Variants in EPHA6 observed in about 807,000 individuals in gnomAD.
EPHA6 encodes ephrin type-A receptor 6.
In EPHA6, 50 loss-of-function variants were observed where a neutral mutation model predicts 112.0. That is an observed-to-expected ratio of 0.45 (90% CI 0.36 to 0.56). The LOEUF (loss-of-function observed/expected upper bound fraction) is 0.56. Among genes scored for constraint, EPHA6 ranks in the 20% least tolerant of loss-of-function variants. EPHA6 has a pLI of 0.00. For synonymous variants in EPHA6, 529 were observed against 490.7 expected, an observed-to-expected ratio of 1.08 and a Z score of -1.03; for missense variants, 1,280 against 1,417.4, an observed-to-expected ratio of 0.90 and a Z score of 1.56.
intron 3 of EPHA6, among the ~76,000 whole-genome samples, chr3:96,993,702 A>G (rs1382632411): frequency 6.6e-6 from 1 of 152,168 alleles, no homozygotes; most frequent in African/African-American, 2.4e-5. Flanking sequence ...TCTAATGTGG[A>G]CACTGCTGGA....
At chr3:97,013,416 A>G (rs1190201592) in intron 3 of EPHA6, among the ~76,000 whole-genome samples, 4 of 152,112 alleles carry the variant, frequency 2.6e-5, no homozygotes, top group Non-Finnish European at 5.9e-5. Context: ...TTCTCCCTAC[A>G]TCTATATTAT....
intron 10 of EPHA6, among the ~76,000 whole-genome samples, chr3:97,510,689 C>A (rs1577622154): frequency 6.6e-6 from 1 of 152,200 alleles, no homozygotes; most frequent in Admixed American, 6.5e-5. Flanking sequence ...AGGAGGCAGT[C>A]TGTCCCTTAG....
At chr3:97,335,187 G>A (rs1159525043) in intron 5 of EPHA6, among the ~76,000 whole-genome samples, 4 of 152,148 alleles carry the variant, frequency 2.6e-5, no homozygotes, top group African/African-American at 9.7e-5. Flanking sequence ...TACTCATCAT[G>A]TAATTAGTGC....
intron 2 of EPHA6, among the ~76,000 whole-genome samples, chr3:96,940,225 T>C (rs2040856753): frequency 6.6e-6 from 1 of 152,214 alleles, no homozygotes; most frequent in Non-Finnish European, 1.5e-5. Flanking sequence ...ATTATTATTG[T>C]GTGGGAGTCT....
At chr3:96,934,324 A>T (rs1274799968) in intron 2 of EPHA6, among the ~76,000 whole-genome samples, 1 of 151,578 alleles carries the variant, frequency 6.6e-6, no homozygotes, top group East Asian at 1.9e-4. Flanking sequence ...TTTATTCTTT[A>T]TGATCCATTT....
intron 2 of EPHA6, among the ~76,000 whole-genome samples, chr3:96,935,654 A>G (rs1185209924): frequency 6.7e-6 from 1 of 148,488 alleles, no homozygotes; most frequent in African/African-American, 2.4e-5. Flanking sequence ...ATATATATTT[A>G]TAACAGTTCA....
chr3:97,361,817 G>C (rs771229955), intron 5 of EPHA6, among the ~76,000 whole-genome samples: 6 of 152,028 alleles, frequency 3.9e-5, no homozygotes, highest in Non-Finnish European at 5.9e-5. Context: ...TGCCACTTTG[G>C]GGATTAAATT....
chr3:97,110,773 C>A (rs902104089), intron 3 of EPHA6, among the ~76,000 whole-genome samples: 2 of 152,080 alleles, frequency 1.3e-5, no homozygotes, highest in Non-Finnish European at 2.9e-5. Flanking sequence ...AAGTGATCCA[C>A]CTGCCTTGGT....
Position 97,592,726 on chromosome 3 carries a change from G to C in EPHA6, c.2501G>C (p.Arg834Thr). The C allele has an allele frequency of 6.3e-7, 1 of 1,593,754 alleles. No individual in the cohort carries two copies. The highest frequency in any genetic ancestry group is 1.1e-5 in the South Asian group (1 of 87,786). The change falls in exon 12 of 18, where the codon AGG (arginine) becomes ACG (threonine). Residue 834 changes from arginine (R) to threonine (T), a missense_variant. Arg to Thr is a moderately conservative substitution (Grantham distance 71). This residue lies in a region of EPHA6 where 878 missense variants were observed against 999.7 expected (regional missense o/e 0.88). Coordinates refer to ENST00000389672, the MANE Select transcript of EPHA6 (RefSeq NM_001080448.3). ...PVPGGGSLPPRIPAGRPVMIV... is the reference protein window; with the variant it reads ...PVPGGGSLPPTIPAGRPVMIV... ...CCAGGGGGAGGATCTTTGCCCCCCA[G>C]GATTCCTGCTGGTAGGTATTTCAGG... is the stretch of plus-strand genomic sequence containing the variant.
intron 6 of EPHA6, among the ~76,000 whole-genome samples, chr3:97,422,787 G>A (rs866977863): frequency 7.2e-5 from 11 of 152,118 alleles, no homozygotes; most frequent in African/African-American, 2.4e-4. Context: ...GAGCAAACAA[G>A]TACCACATCA....
chr3:97,088,940 G>A (rs1014384795), intron 3 of EPHA6, among the ~76,000 whole-genome samples: 1 of 152,100 alleles, frequency 6.6e-6, no homozygotes, highest in Admixed American at 6.6e-5. Flanking sequence ...TGGGAAAAGA[G>A]CATCTTTCTA....
intron 9 of EPHA6, among the ~76,000 whole-genome samples, chr3:97,480,192 T>C (rs2091489138): frequency 6.6e-6 from 1 of 151,934 alleles, no homozygotes; most frequent in South Asian, 2.1e-4. Flanking sequence ...ATTTTTTAAG[T>C]ATAATTAGAA....
chr3:97,298,473 A>G (rs1442667205), intron 5 of EPHA6, among the ~76,000 whole-genome samples: 1 of 152,180 alleles, frequency 6.6e-6, no homozygotes, highest in East Asian at 1.9e-4. Context: ...TAAATAATTA[A>G]TTACAGTGTG....
At chr3:97,183,618 T>C (rs2077047558) in intron 3 of EPHA6, among the ~76,000 whole-genome samples, 1 of 152,160 alleles carries the variant, frequency 6.6e-6, no homozygotes, top group African/African-American at 2.4e-5. Flanking sequence ...TCATGTTTTC[T>C]TTAATTAAAT....
intron 5 of EPHA6, among the ~76,000 whole-genome samples, chr3:97,400,880 CT>C (rs2086954191): frequency 6.6e-6 from 1 of 151,646 alleles, no homozygotes; most frequent in African/African-American, 2.4e-5. Context: ...ATTTTACTTC[CT>C]CCTTTCCAAT....
At chr3:97,243,920 T>A in intron 4 of EPHA6, 32 bp from the exon 5 acceptor site, 1 of 1,491,616 alleles carries the variant, frequency 6.7e-7, no homozygotes, top group Non-Finnish European at 9.1e-7. Flanking sequence ...GTCCTATATA[T>A]GTACATTTGT....
chr3:97,034,652 A>C (rs1438894374), intron 3 of EPHA6, among the ~76,000 whole-genome samples: 1 of 151,932 alleles, frequency 6.6e-6, no homozygotes, highest in Non-Finnish European at 1.5e-5. Flanking sequence ...ATTGCTTAAC[A>C]TCACCCAGGT....
chr3:97,240,881 G>T (rs2078825704), intron 4 of EPHA6, among the ~76,000 whole-genome samples: 1 of 151,816 alleles, frequency 6.6e-6, no homozygotes, highest in Non-Finnish European at 1.5e-5. Context: ...ATTTTTGTGT[G>T]ATATTTCATG....
At chr3:97,250,908 C>G (rs1318045475) in intron 5 of EPHA6, among the ~76,000 whole-genome samples, 3 of 151,492 alleles carry the variant, frequency 2.0e-5, no homozygotes, top group African/African-American at 4.9e-5. Context: ...CACTTTGTCC[C>G]CAGGGTGGAG....
Sources: gnomAD v4.1 joint callset for allele counts (sites outside exome capture counted in the v4.1 genomes callset) on GRCh38, gnomAD v4.1.1 for gene constraint, gnomAD v4.1.1 regional missense constraint, MANE v1.5 for transcripts, NCBI Gene and HGNC (gene_info 2026-07-23, HGNC 2026-07-21) for gene names.